The following LDAH variants were observed in gnomAD, a reference collection of about 807,000 sequenced individuals.
LDAH encodes the protein lipid droplet-associated hydrolase.
LDAH carries 26 observed loss-of-function variants against 29.6 expected under a neutral mutation model. That is an observed-to-expected ratio of 0.88 (90% CI 0.64 to 1.22). LDAH has a LOEUF of 1.22. Among genes scored for constraint, LDAH ranks in the 50% most tolerant of loss-of-function variants. The pLI, the probability that LDAH is intolerant of heterozygous loss-of-function variation, is 0.00. For synonymous variants in LDAH, 117 were observed against 133.0 expected (o/e 0.88, Z 0.83); for missense variants, 344 against 387.3 (o/e 0.89, Z 0.94).
chr2:20,768,215 C>T (rs1185857452), intron 4 of LDAH, among the ~76,000 whole-genome samples: 1 of 152,172 alleles, frequency 6.6e-6, no homozygotes, highest in Admixed American at 6.5e-5. Flanking sequence ...TGAAACATGC[C>T]CCCTGCTCGC....
chr2:20,735,974 G>A (rs1476281714), intron 5 of LDAH, among the ~76,000 whole-genome samples: 1 of 152,128 alleles, frequency 6.6e-6, no homozygotes, highest in Non-Finnish European at 1.5e-5. Flanking sequence ...AGTGATGAAA[G>A]TCTTCGCTCT....
At chr2:20,817,934 G>A (rs1282469593) in intron 1 of LDAH, among the ~76,000 whole-genome samples, 1 of 152,134 alleles carries the variant, frequency 6.6e-6, no homozygotes, top group Non-Finnish European at 1.5e-5. Flanking sequence ...TAGAGATAGA[G>A]CAGTGGTTGC....
chr2:20,703,540 A>C (rs1664100547), intron 5 of LDAH, among the ~76,000 whole-genome samples: 1 of 152,176 alleles, frequency 6.6e-6, no homozygotes, highest in Non-Finnish European at 1.5e-5. Context: ...TTTACTTCTG[A>C]ATATTGTTCA....
intron 1 of LDAH, among the ~76,000 whole-genome samples, chr2:20,816,880 T>C (rs1672889154): frequency 6.6e-6 from 1 of 151,606 alleles, no homozygotes; most frequent in Admixed American, 6.6e-5. Flanking sequence ...CTGATCATTG[T>C]GGAAAAAAAC....
At chr2:20,727,502 A>C (rs1224403989) in intron 5 of LDAH, among the ~76,000 whole-genome samples, 1 of 152,234 alleles carries the variant, frequency 6.6e-6, no homozygotes. Flanking sequence ...TATATTCAAC[A>C]AAGTAATGTA....
chr2:20,742,510 A>T (rs1667251398), intron 4 of LDAH, among the ~76,000 whole-genome samples: 1 of 152,170 alleles, frequency 6.6e-6, no homozygotes, highest in African/African-American at 2.4e-5. Flanking sequence ...AAGGACTGTT[A>T]TGTCTTCTTG....
At chr2:20,695,171 C>T (rs944298396) in intron 6 of LDAH, among the ~76,000 whole-genome samples, 2 of 152,290 alleles carry the variant, frequency 1.3e-5, no homozygotes, top group Middle Eastern at 3.4e-3. Context: ...TGTGTTTTCC[C>T]CTCATTATGG....
chr2:20,712,753 A>G (rs4971523), intron 5 of LDAH, among the ~76,000 whole-genome samples: 33,755 of 152,160 alleles, frequency 0.22, 4,519 homozygotes, highest in East Asian at 0.36. Flanking sequence ...ACAAGCTTCA[A>G]TAGCCGATTT....
At chr2:20,759,286 C>T (rs949466773) in intron 4 of LDAH, among the ~76,000 whole-genome samples, 2 of 152,138 alleles carry the variant, frequency 1.3e-5, no homozygotes, top group African/African-American at 2.4e-5. Context: ...TGCAGTATGA[C>T]GCTGGCTTCC....
chr2:20,773,930 C>A (rs566697584), intron 4 of LDAH, among the ~76,000 whole-genome samples: 3 of 152,250 alleles, frequency 2.0e-5, no homozygotes, highest in African/African-American at 7.2e-5. Flanking sequence ...ACCCCCTGAA[C>A]TGAAACAAGA....
chr2:20,790,303 C>T lies in LDAH; in HGVS notation c.250G>A (p.Gly84Arg), dbSNP rs1407468496. ...RFPVWTISHA[G>R]HALAPKDKKI... ...TTGTCTTTGGGAGCCAACGCATGCCCAGCATGACTGATAGTCCAAACTGGA... is the reference window on the plus strand; with the variant it reads ...TTGTCTTTGGGAGCCAACGCATGCCTAGCATGACTGATAGTCCAAACTGGA... Residue 84 changes from glycine (G) to arginine (R), a missense_variant, in exon 3 of 7, where the codon GGG (glycine) becomes AGG (arginine). Physicochemically the swap from Gly to Arg is moderately radical, Grantham distance 125 (BLOSUM62 -2). Coordinates refer to ENST00000237822, the MANE Select transcript of LDAH (RefSeq NM_021925.4). 6.2e-7 allele frequency: 1 copy of T among 1,614,086 alleles called. No homozygotes were observed. The highest frequency in any genetic ancestry group is 1.3e-5 in the African/African-American group (1 of 75,028).
chr2:20,797,499 G>A (rs1404559093), intron 2 of LDAH, among the ~76,000 whole-genome samples: 2 of 152,062 alleles, frequency 1.3e-5, no homozygotes, highest in African/African-American at 4.8e-5. Flanking sequence ...CACCTAGGGC[G>A]ACCAACTCCT....
chr2:20,684,750 A>G lies in LDAH; in HGVS notation c.*2153T>C. The G allele has an allele frequency of 2.1e-6, 2 of 969,020 alleles. No homozygotes were observed. The highest frequency in any genetic ancestry group is 1.6e-5 in the African/African-American group (1 of 60,758). 60.0% of individuals were successfully genotyped at this position (969,020 alleles called of 1,614,324 possible). A position where few individuals can be genotyped will look rare whatever the true frequency, so the allele number is the denominator to read the frequency against. On this transcript the variant is annotated 3_prime_UTR_variant, in exon 7 of 7. Coordinates refer to ENST00000237822, the MANE Select transcript of LDAH (RefSeq NM_021925.4). ...TGTGGTCAAAGCTCAATCGCTGAGC[A>G]CTCGGTAACTCTGCAGGAAGTTAAA...
chr2:20,687,228 A>G lies in LDAH; in HGVS notation c.787-134T>C, dbSNP rs138407731. 8 of 636,094 alleles carry G rather than the reference A, an allele frequency of 1.3e-5. No individual in the cohort carries two copies. In the East Asian group the frequency reaches 2.3e-4, roughly 18 times the overall value. 39.4% of individuals were successfully genotyped at this position (636,094 alleles called of 1,614,324 possible). A position where few individuals can be genotyped will look rare whatever the true frequency, so the allele number is the denominator to read the frequency against. On this transcript the variant is annotated intron_variant, in intron 6 of 6. Coordinates refer to ENST00000237822, the MANE Select transcript of LDAH (RefSeq NM_021925.4). ...GGGAGCTAGTCCCTAAGCTCTCTCCAGAGTGTGGCTCTCTCAAGGCAGCAA... is the reference window on the plus strand; with the variant it reads ...GGGAGCTAGTCCCTAAGCTCTCTCCGGAGTGTGGCTCTCTCAAGGCAGCAA...
At chr2:20,693,714 C>G (rs1305959707) in intron 6 of LDAH, among the ~76,000 whole-genome samples, 1 of 152,262 alleles carries the variant, frequency 6.6e-6, no homozygotes, top group Non-Finnish European at 1.5e-5. Context: ...AAGGCACCGA[C>G]ATTCTGGGAG....
Position 20,770,135 on chromosome 2 carries a change from A to G in LDAH, c.468+4675T>C, listed in dbSNP as rs544787446. 2.2e-4 allele frequency among the ~76,000 whole-genome samples: 33 copies of G among 152,332 alleles called. 1 individual carries two copies. The highest frequency in any genetic ancestry group is 7.7e-4 in the African/African-American group (32 of 41,582). On this transcript the variant is annotated intron_variant, in intron 4 of 6. Transcript: ENST00000237822. ...AAGAAAAAATTCCTCTATAGTCAATATGCATTGCTGAAGGCAGATAAGTAA... is the reference window on the plus strand; with the variant it reads ...AAGAAAAAATTCCTCTATAGTCAATGTGCATTGCTGAAGGCAGATAAGTAA...
At chr2:20,780,551 G>A (rs1317283730) in intron 3 of LDAH, among the ~76,000 whole-genome samples, 4 of 152,116 alleles carry the variant, frequency 2.6e-5, no homozygotes. Flanking sequence ...GAAGCATAAG[G>A]TTAAAAAGGA....
At chr2:20,780,336 C>G (rs1486706494) in intron 3 of LDAH, among the ~76,000 whole-genome samples, 3 of 152,082 alleles carry the variant, frequency 2.0e-5, no homozygotes, top group Non-Finnish European at 4.4e-5. Flanking sequence ...CTGCTAAGGA[C>G]TTCAACAGTC....
chr2:20,702,886 G>T (rs932948829), intron 5 of LDAH, among the ~76,000 whole-genome samples: 1 of 152,208 alleles, frequency 6.6e-6, no homozygotes, highest in African/African-American at 2.4e-5. Context: ...GGGCTGGAGG[G>T]CAATGGCACG....
Sources: allele counts gnomAD v4.1 joint callset (sites outside exome capture counted in the v4.1 genomes callset), GRCh38; gene constraint gnomAD v4.1.1; transcripts MANE v1.5; gene names NCBI Gene and HGNC (gene_info 2026-07-23, HGNC 2026-07-21).